MANBA: variants seen among roughly 807,000 people sequenced by gnomAD.
MANBA encodes mannosidase beta.
MANBA carries 83 observed loss-of-function variants against 111.1 expected under a neutral mutation model. That is an observed-to-expected ratio of 0.75 (90% CI 0.63 to 0.90). The LOEUF is 0.90. MANBA is among the 40% of genes least tolerant of loss of function. The pLI, the probability that MANBA is intolerant of heterozygous loss-of-function variation, is 0.00. For missense variants in MANBA, 1,036 were observed against 1,069.0 expected (o/e 0.97, Z 0.43); for synonymous variants, 370 against 378.7 (o/e 0.98, Z 0.27).
intron 5 of MANBA, among the ~76,000 whole-genome samples, chr4:102,703,440 C>T (rs895659174): frequency 4.6e-5 from 7 of 152,194 alleles, no homozygotes. Flanking sequence ...CGAAAAGACC[C>T]CTTCTTGCCT....
rs764920492 is a variant in MANBA at position 102,639,721 on chromosome 4, G to T, written c.2006C>A (p.Ala669Asp). The change falls in exon 14 of 17, where the codon GCT (alanine) becomes GAT (aspartate). Residue 669 changes from alanine to aspartate, a missense_variant. By Grantham distance (126) the Ala-to-Asp change is moderately radical. Coordinates refer to ENST00000647097, the MANE Select transcript of MANBA (RefSeq NM_005908.4). Reference protein sequence around the residue: ...LNDIWQAPSWASLEYGGKWKM... With the variant: ...LNDIWQAPSWDSLEYGGKWKM... Reference sequence around the variant, plus strand: ...AACGCTGAAATGCTTACCAAGAGAAGCCCAGGAAGGAGCTTGCCAGATGTC... The same window carrying T: ...AACGCTGAAATGCTTACCAAGAGAATCCCAGGAAGGAGCTTGCCAGATGTC... 12 of 1,614,136 alleles carry T rather than the reference G, an allele frequency of 7.4e-6. No homozygotes were observed. Among genetic ancestry groups the T allele is most frequent in the Non-Finnish European group, 9.3e-6 (11 of 1,180,012 alleles).
At chr4:102,706,095 T>C (rs1470389673) in intron 5 of MANBA, among the ~76,000 whole-genome samples, 1 of 152,116 alleles carries the variant, frequency 6.6e-6, no homozygotes, top group Non-Finnish European at 1.5e-5. Context: ...ACCAGTGGTC[T>C]ACCACTGCCA....
chr4:102,636,052 CAG>C, intron 14 of MANBA, 45 bp from the exon 15 acceptor site: 1 of 1,573,296 alleles, frequency 6.4e-7, no homozygotes. Flanking sequence ...GTCAAGTAGT[CAG>C]AGAGGCACTG....
chr4:102,722,000 AGCCTGGGC>A (rs1285009618), intron 4 of MANBA, among the ~76,000 whole-genome samples: 45 of 145,098 alleles, frequency 3.1e-4, no homozygotes, highest in Admixed American at 8.5e-4. Flanking sequence ...ACTGTACTCC[AGCCTGGGC>A]GACAGAGTGT....
chr4:102,731,556 C>A (rs1723034462), intron 1 of MANBA, among the ~76,000 whole-genome samples: 1 of 152,142 alleles, frequency 6.6e-6, no homozygotes, highest in African/African-American at 2.4e-5. Context: ...CACCCACAGG[C>A]CACATTCAGC....
intron 12 of MANBA, among the ~76,000 whole-genome samples, chr4:102,651,528 C>T (rs1222292054): frequency 6.6e-6 from 1 of 152,122 alleles, no homozygotes; most frequent in East Asian, 1.9e-4. Context: ...AAGACAATTG[C>T]TGGCTACATC....
At chr4:102,636,944 C>T (rs1413098127) in intron 14 of MANBA, among the ~76,000 whole-genome samples, 10 of 152,164 alleles carry the variant, frequency 6.6e-5, no homozygotes, top group Non-Finnish European at 2.9e-5. Flanking sequence ...TAGGAGGTAA[C>T]TGAACCATGG....
At chr4:102,697,318 T>C (rs990924259) in intron 5 of MANBA, among the ~76,000 whole-genome samples, 1 of 152,170 alleles carries the variant, frequency 6.6e-6, no homozygotes, top group African/African-American at 2.4e-5. Context: ...TGCATGCTTA[T>C]CAAATAAGCA....
At chr4:102,690,251 T>C (rs1011527673) in intron 6 of MANBA, among the ~76,000 whole-genome samples, 2 of 152,148 alleles carry the variant, frequency 1.3e-5, no homozygotes, top group Non-Finnish European at 1.5e-5. Context: ...TTGACAAGTA[T>C]CAAAAATAAC....
chr4:102,634,076 T>C (rs6821119), intron 16 of MANBA, among the ~76,000 whole-genome samples: 83,454 of 151,856 alleles, frequency 0.55, 23,364 homozygotes, highest in African/African-American at 0.63. Context: ...GATAAGATAA[T>C]AAAATTAAAA....
intron 13 of MANBA, among the ~76,000 whole-genome samples, chr4:102,642,838 C>T (rs568847671): frequency 1.3e-5 from 2 of 152,272 alleles, no homozygotes; most frequent in Admixed American, 1.3e-4. Context: ...TCCAGAAACA[C>T]ACCCCAACCC....
intron 1 of MANBA, among the ~76,000 whole-genome samples, chr4:102,736,482 T>G (rs1723219724): frequency 6.6e-6 from 1 of 152,192 alleles, no homozygotes; most frequent in South Asian, 2.1e-4. Flanking sequence ...GCTTTTCCAC[T>G]CCCCAGTTCT....
chr4:102,687,301 C>T (rs1732261738), intron 7 of MANBA, among the ~76,000 whole-genome samples: 1 of 131,622 alleles, frequency 7.6e-6, no homozygotes, highest in East Asian at 2.2e-4. Context: ...AACTGGTCCC[C>T]TACTCTTGCC....
At chr4:102,636,073 C>T in intron 14 of MANBA, 66 bp from the exon 15 acceptor site, 1 of 1,439,342 alleles carries the variant, frequency 6.9e-7, no homozygotes, top group Non-Finnish European at 9.7e-7. Flanking sequence ...TGTCCAATGG[C>T]CCAGCTGTTT....
At chr4:102,632,396 C>T in intron 16 of MANBA, 115 bp from the exon 17 acceptor site, 1 of 838,364 alleles carries the variant, frequency 1.2e-6, no homozygotes, top group Non-Finnish European at 2.0e-6. Flanking sequence ...CTTCCCACAA[C>T]TTTGGTTCTA....
At chr4:102,679,931 A>G (rs1731887628) in intron 7 of MANBA, among the ~76,000 whole-genome samples, 1 of 152,220 alleles carries the variant, frequency 6.6e-6, no homozygotes, top group Admixed American at 6.5e-5. Context: ...AGGTATAAAA[A>G]AAAAAAAAAT....
chr4:102,699,970 T>G (rs1268512448), intron 5 of MANBA, among the ~76,000 whole-genome samples: 1 of 152,122 alleles, frequency 6.6e-6, no homozygotes, highest in Non-Finnish European at 1.5e-5. Context: ...AGAATTCAGC[T>G]GTAAATCCAT....
chr4:102,723,091 G>A (rs751748834), intron 3 of MANBA, 50 bp from the exon 4 acceptor site: 2 of 1,545,362 alleles, frequency 1.3e-6, no homozygotes, highest in Non-Finnish European at 1.8e-6. Flanking sequence ...AAGTAGTCTT[G>A]TGTGTAAAAT....
At chr4:102,643,590 T>C (rs768412008) in intron 13 of MANBA, among the ~76,000 whole-genome samples, 19 of 152,176 alleles carry the variant, frequency 1.2e-4, no homozygotes, top group Non-Finnish European at 2.5e-4. Context: ...AATTTGTAGA[T>C]ATTGTAGTGG....
Sources: gnomAD v4.1 joint callset for allele counts (sites outside exome capture counted in the v4.1 genomes callset) on GRCh38, gnomAD v4.1.1 for gene constraint, MANE v1.5 for transcripts, NCBI Gene and HGNC (gene_info 2026-07-23, HGNC 2026-07-21) for gene names.